ANKRD42: variants seen among roughly 807,000 people sequenced by gnomAD.
ANKRD42 encodes the protein ankyrin repeat domain-containing protein 42.
A neutral mutation model predicts 51.5 loss-of-function variants in ANKRD42; 43 were observed. The observed-to-expected ratio is 0.83, with a 90% CI of 0.65 to 1.08. The LOEUF (loss-of-function observed/expected upper bound fraction) is 1.08, where lower values mean the gene tolerates loss of function less well. ANKRD42 is among the 50% of genes least tolerant of loss of function. The probability of loss-of-function intolerance (pLI) is 0.00; values close to 1 mark genes in which losing one functional copy is unlikely to be tolerated. For synonymous variants in ANKRD42, 203 were observed against 213.0 expected (o/e 0.95, Z 0.41); for missense variants, 608 against 629.3 (o/e 0.97, Z 0.36).
intron 5 of ANKRD42, among the ~76,000 whole-genome samples, chr11:83,220,333 T>C (rs1283698303): frequency 6.6e-6 from 1 of 152,076 alleles, no homozygotes; most frequent in Non-Finnish European, 1.5e-5. Context: ...GGCTGACAGG[T>C]GCCCAGTTTA....
chr11:83,226,028 G>A (rs1251441505), intron 6 of ANKRD42, among the ~76,000 whole-genome samples: 1 of 152,252 alleles, frequency 6.6e-6, no homozygotes, highest in Admixed American at 6.5e-5. Flanking sequence ...AAAGCACTGG[G>A]ATTATAGGCA....
intron 5 of ANKRD42, among the ~76,000 whole-genome samples, chr11:83,224,583 A>T (rs1049146899): frequency 6.6e-6 from 1 of 152,156 alleles, no homozygotes; most frequent in African/African-American, 2.4e-5. Context: ...AATAGAGCTA[A>T]TGTGTTATTT....
At chr11:83,213,565 A>G in intron 5 of ANKRD42, 2 of 1,145,586 alleles carry the variant, frequency 1.7e-6, no homozygotes, top group Non-Finnish European at 2.2e-6. Context: ...TTTTTTTTTT[A>G]GTTTTAGTCT....
chr11:83,209,368 G>A (rs763801672), intron 3 of ANKRD42: 13 of 1,515,166 alleles, frequency 8.6e-6, no homozygotes, highest in Admixed American at 1.9e-5. Context: ...GGTTGGCAGC[G>A]CGGGGCTGCA....
chr11:83,206,312 T>A, intron 3 of ANKRD42, 147 bp downstream of exon 3: 1 of 638,876 alleles, frequency 1.6e-6, no homozygotes, highest in Non-Finnish European at 2.6e-6. Context: ...GATATTCTGA[T>A]ACCAGCTATC....
chr11:83,257,874 T>C (rs2135570468), downstream of ANKRD42, among the ~76,000 whole-genome samples: 1 of 152,324 alleles, frequency 6.6e-6, no homozygotes, highest in South Asian at 2.1e-4. Context: ...AAATCCATTC[T>C]CCCTTCTTCT....
chr11:83,201,611 T>C (rs544205833), intron 2 of ANKRD42, among the ~76,000 whole-genome samples: 1 of 152,232 alleles, frequency 6.6e-6, no homozygotes, highest in Non-Finnish European at 1.5e-5. Context: ...TAATTTACAT[T>C]CCCACCAACA....
At chr11:83,220,102 G>C (rs1332586931) in intron 5 of ANKRD42, among the ~76,000 whole-genome samples, 2 of 152,174 alleles carry the variant, frequency 1.3e-5, no homozygotes, top group African/African-American at 4.8e-5. Flanking sequence ...GGAGCCTCTG[G>C]TGGGACCATT....
At chr11:83,229,720 C>T (rs1200700312) in intron 7 of ANKRD42, among the ~76,000 whole-genome samples, 1 of 152,150 alleles carries the variant, frequency 6.6e-6, no homozygotes, top group Non-Finnish European at 1.5e-5. Flanking sequence ...TTGCTCTTCA[C>T]CCTCTTTTCG....
intron 1 of ANKRD42, among the ~76,000 whole-genome samples, chr11:83,195,279 C>T (rs1299649699): frequency 6.6e-6 from 1 of 152,182 alleles, no homozygotes; most frequent in African/African-American, 2.4e-5. Flanking sequence ...CTACTTTGTG[C>T]TCCGTCTTAA....
chr11:83,206,754 C>T (rs1862092502), intron 3 of ANKRD42, among the ~76,000 whole-genome samples: 2 of 152,142 alleles, frequency 1.3e-5, no homozygotes, highest in Non-Finnish European at 2.9e-5. Flanking sequence ...TATATGCTCC[C>T]CAGTTTATGA....
intron 5 of ANKRD42, chr11:83,213,555 T>C (rs1862411120): frequency 8.2e-7 from 1 of 1,217,026 alleles, no homozygotes; most frequent in Non-Finnish European, 1.0e-6. Context: ...TATTATTAGT[T>C]TTTTTTTTTA....
intron 1 of ANKRD42, 113 bp downstream of exon 1, chr11:83,194,841 T>G: frequency 9.1e-7 from 1 of 1,103,146 alleles, no homozygotes; most frequent in Non-Finnish European, 1.3e-6. Context: ...ACTCCCCCCT[T>G]TCCCTTTTTA....
chr11:83,201,252 T>G (rs572592533), intron 2 of ANKRD42, among the ~76,000 whole-genome samples: 51 of 152,318 alleles, frequency 3.3e-4, no homozygotes, highest in Middle Eastern at 3.4e-3. Context: ...ATGTGGTGTT[T>G]GGTTTTCTGT....
chr11:83,221,624 T>A (rs1862719436), intron 5 of ANKRD42, among the ~76,000 whole-genome samples: 1 of 152,196 alleles, frequency 6.6e-6, no homozygotes, highest in African/African-American at 2.4e-5. Context: ...CACCTTATGC[T>A]CAGGTTTGCC....
intron 9 of ANKRD42, among the ~76,000 whole-genome samples, chr11:83,244,487 TG>T (rs1591009482): frequency 6.6e-6 from 1 of 152,348 alleles, no homozygotes. Context: ...TCTCAACTTC[TG>T]TACTCTTGAC....
chr11:83,220,930 C>T (rs1480671640), intron 5 of ANKRD42, among the ~76,000 whole-genome samples: 1 of 147,776 alleles, frequency 6.8e-6, no homozygotes. Flanking sequence ...TTATATTTAT[C>T]TCAAGTTTTG....
intron 3 of ANKRD42, among the ~76,000 whole-genome samples, chr11:83,207,057 G>A (rs1862104011): frequency 6.6e-6 from 1 of 152,188 alleles, no homozygotes; most frequent in Non-Finnish European, 1.5e-5. Context: ...GGCTGGGAAG[G>A]CCTCAGGAAA....
chr11:83,225,150 G>A, intron 6 of ANKRD42, 95 bp downstream of exon 6: 1 of 1,085,174 alleles, frequency 9.2e-7, no homozygotes, highest in Non-Finnish European at 1.3e-6. Flanking sequence ...AAAGATATAA[G>A]GCAAATGTTA....
Sources: gnomAD v4.1 joint callset for allele counts (sites outside exome capture counted in the v4.1 genomes callset) on GRCh38, gnomAD v4.1.1 for gene constraint, MANE v1.5 for transcripts, NCBI Gene and HGNC (gene_info 2026-07-23, HGNC 2026-07-21) for gene names.